Variants in SPOCK1 observed in about 807,000 individuals in gnomAD.
The protein encoded by SPOCK1 is SPARC (osteonectin), cwcv and kazal like domains proteoglycan 1, also known as testican-1.
Under a neutral mutation model 55.3 loss-of-function variants are expected in SPOCK1, and 23 were observed. That is an observed-to-expected ratio of 0.42 (90% CI 0.30 to 0.59). SPOCK1 has a LOEUF of 0.59. Ranked by LOEUF, SPOCK1 falls within the 20% of genes least tolerant of loss-of-function variation. The pLI is 0.22. For missense variants in SPOCK1, 499 were observed against 552.5 expected, an observed-to-expected ratio of 0.90 and a Z score of 0.97; for synonymous variants, 226 against 221.0, an observed-to-expected ratio of 1.02 and a Z score of -0.20.
intron 2 of SPOCK1, among the ~76,000 whole-genome samples, chr5:137,278,946 G>A (rs1030139483): frequency 1.3e-5 from 2 of 152,094 alleles, no homozygotes; most frequent in Non-Finnish European, 2.9e-5. Context: ...TGAACAACTG[G>A]CTGTCCTACT....
chr5:136,984,941 A>G (rs1319838529), intron 9 of SPOCK1, among the ~76,000 whole-genome samples, 199 bp downstream of exon 9: 2 of 152,212 alleles, frequency 1.3e-5, no homozygotes, highest in South Asian at 2.1e-4. Context: ...TTCCTGCCGA[A>G]GGAACACACA....
At chr5:137,178,764 C>A (rs1327995481) in intron 3 of SPOCK1, among the ~76,000 whole-genome samples, 1 of 152,230 alleles carries the variant, frequency 6.6e-6, no homozygotes, top group Non-Finnish European at 1.5e-5. Flanking sequence ...CAGTGACCTG[C>A]ATCTGGGCTG....
rs139666017 is a variant in SPOCK1, at chr5:137,253,682, C to T, written c.232+13328G>A. Among the ~76,000 whole-genome samples the T allele has an allele frequency of 2.5e-3, 383 of 152,310 alleles. 2 individuals are homozygous for T. The highest frequency in any genetic ancestry group is 4.5e-3 in the Non-Finnish European group (303 of 68,028). ...CTCAGTCTCCTCCATGGCAGCCTAC[C>T]CCATCCTCACACAGCTTGGGATATG... On this transcript the variant is annotated intron_variant, in intron 3 of 10. Transcript: ENST00000394945.
chr5:137,467,689 A>T (rs1753647578), intron 2 of SPOCK1, among the ~76,000 whole-genome samples: 1 of 152,196 alleles, frequency 6.6e-6, no homozygotes, highest in South Asian at 2.1e-4. Context: ...AGGATGAGAA[A>T]TAGTTAACCA....
chr5:137,008,089 C>T (rs992710851), intron 6 of SPOCK1, among the ~76,000 whole-genome samples: 4 of 138,228 alleles, frequency 2.9e-5, no homozygotes, highest in South Asian at 2.2e-4. Flanking sequence ...AGTTGAAAAA[C>T]GAGAACGTAT....
chr5:137,069,711 C>T (rs1009218033), intron 5 of SPOCK1, among the ~76,000 whole-genome samples: 1 of 152,226 alleles, frequency 6.6e-6, no homozygotes, highest in African/African-American at 2.4e-5. Context: ...ACCGGGCTGC[C>T]TCCTCCGCCT....
intron 3 of SPOCK1, among the ~76,000 whole-genome samples, chr5:137,202,550 C>A (rs780412662): frequency 1.1e-4 from 17 of 152,134 alleles, no homozygotes; most frequent in Non-Finnish European, 2.5e-4. Flanking sequence ...GTGTTCCCAG[C>A]ATGTATAAAT....
At chr5:137,330,459 G>A (rs1012092562) in intron 2 of SPOCK1, among the ~76,000 whole-genome samples, 11 of 152,126 alleles carry the variant, frequency 7.2e-5, no homozygotes, top group Non-Finnish European at 1.3e-4. Context: ...CACAAGACAC[G>A]AACCTGCTCC....
intron 4 of SPOCK1, among the ~76,000 whole-genome samples, chr5:137,115,229 C>T (rs1753555576): frequency 6.6e-6 from 1 of 152,088 alleles, no homozygotes; most frequent in Non-Finnish European, 1.5e-5. Context: ...GGTATCTCAG[C>T]AGTTAATCAC....
intron 2 of SPOCK1, among the ~76,000 whole-genome samples, chr5:137,442,661 A>C (rs1471210887): frequency 1.3e-5 from 2 of 152,176 alleles, no homozygotes; most frequent in Admixed American, 6.5e-5. Context: ...TAACACCACT[A>C]CCTTAGATAA....
intron 2 of SPOCK1, among the ~76,000 whole-genome samples, chr5:137,325,916 C>T (rs538273897): frequency 2.6e-5 from 4 of 152,262 alleles, no homozygotes; most frequent in South Asian, 4.1e-4. Context: ...AAGGAAACAG[C>T]GAGTGCAAAG....
intron 2 of SPOCK1, among the ~76,000 whole-genome samples, chr5:137,434,752 C>T (rs1016569914): frequency 6.6e-6 from 1 of 151,952 alleles, no homozygotes; most frequent in African/African-American, 2.4e-5. Context: ...CTGCCCGCCT[C>T]GGCCTCCCAA....
At chr5:137,118,027 C>T (rs1348015012) in intron 4 of SPOCK1, among the ~76,000 whole-genome samples, 1 of 152,072 alleles carries the variant, frequency 6.6e-6, no homozygotes, top group Non-Finnish European at 1.5e-5. Flanking sequence ...AGACATGCAG[C>T]CTAGAGCAAA....
chr5:137,096,048 T>C (rs1033710728), intron 5 of SPOCK1, among the ~76,000 whole-genome samples: 7 of 152,228 alleles, frequency 4.6e-5, no homozygotes, highest in Admixed American at 3.9e-4. Context: ...GAATAGATTT[T>C]GGGAGACTGA....
chr5:137,039,718 C>A (rs534224039), intron 6 of SPOCK1, among the ~76,000 whole-genome samples: 1 of 152,198 alleles, frequency 6.6e-6, no homozygotes, highest in Non-Finnish European at 1.5e-5. Context: ...AGCCTATAAA[C>A]CCAAAGCTGT....
intron 2 of SPOCK1, among the ~76,000 whole-genome samples, chr5:137,475,377 G>A (rs2974497): frequency 0.56 from 84,392 of 151,826 alleles, 24,156 homozygotes; most frequent in African/African-American, 0.68. Context: ...CACAGATCCT[G>A]GAATGGAAGA....
At chr5:137,157,390 G>A (rs937151573) in intron 3 of SPOCK1, among the ~76,000 whole-genome samples, 59 of 152,082 alleles carry the variant, frequency 3.9e-4, no homozygotes, top group Non-Finnish European at 4.4e-5. Context: ...TTGAATTTTT[G>A]CATCTGAGTA....
chr5:137,068,733 C>T (rs1043698692), intron 5 of SPOCK1, among the ~76,000 whole-genome samples: 1 of 152,216 alleles, frequency 6.6e-6, no homozygotes, highest in Non-Finnish European at 1.5e-5. Context: ...TTAATGCATT[C>T]CACAACACTG....
chr5:137,276,178 G>A (rs992500263), intron 2 of SPOCK1, among the ~76,000 whole-genome samples: 1 of 152,186 alleles, frequency 6.6e-6, no homozygotes, highest in Admixed American at 6.5e-5. Flanking sequence ...TTACATGGTC[G>A]AGCCACCAAT....
Sources: gnomAD v4.1 joint callset for allele counts (sites outside exome capture counted in the v4.1 genomes callset) on GRCh38, gnomAD v4.1.1 for gene constraint, MANE v1.5 for transcripts, NCBI Gene and HGNC (gene_info 2026-07-23, HGNC 2026-07-21) for gene names.